EYA2: variants seen among roughly 807,000 people sequenced by gnomAD.
The protein encoded by EYA2 is EYA transcriptional coactivator and phosphatase 2.
Under a neutral mutation model 69.2 loss-of-function variants are expected in EYA2, and 31 were observed. The observed-to-expected ratio is 0.45, with a 90% CI of 0.34 to 0.60. The LOEUF is 0.60. Ranked by LOEUF, EYA2 falls within the 20% of genes least tolerant of loss-of-function variation. The pLI, the probability that EYA2 is intolerant of heterozygous loss-of-function variation, is 0.02. For missense variants in EYA2, 622 were observed against 701.2 expected (o/e 0.89, Z 1.28); for synonymous variants, 257 against 279.4 (o/e 0.92, Z 0.80).
chr20:47,057,675 G>T (rs2030699445), intron 5 of EYA2, among the ~76,000 whole-genome samples: 1 of 152,244 alleles, frequency 6.6e-6, no homozygotes, highest in South Asian at 2.1e-4. Context: ...TTGCTATGGG[G>T]AAAGAAATTG....
At chr20:46,895,605 G>C (rs540284693) in intron 1 of EYA2, among the ~76,000 whole-genome samples, 1 of 152,370 alleles carries the variant, frequency 6.6e-6, no homozygotes, top group South Asian at 2.1e-4. Context: ...TTGAAACTTA[G>C]AAAAGTTTAC....
At chr20:46,969,462 C>T (rs1980007654) in intron 1 of EYA2, among the ~76,000 whole-genome samples, 1 of 152,220 alleles carries the variant, frequency 6.6e-6, no homozygotes, top group South Asian at 2.1e-4. Flanking sequence ...ACTTAAATCC[C>T]TTTGATTAGC....
intron 7 of EYA2, among the ~76,000 whole-genome samples, chr20:47,083,636 CA>C (rs1392326861): frequency 6.7e-6 from 1 of 148,676 alleles, no homozygotes; most frequent in East Asian, 2.0e-4. Flanking sequence ...CCTCACATGA[CA>C]CACAAAAAAA....
intron 9 of EYA2, among the ~76,000 whole-genome samples, chr20:47,107,216 A>C (rs1016785099): frequency 1.3e-5 from 2 of 152,138 alleles, no homozygotes; most frequent in Non-Finnish European, 1.5e-5. Flanking sequence ...AAGGAAGATG[A>C]TAAGCAAGAC....
chr20:47,085,239 T>C (rs1157186318), intron 7 of EYA2, among the ~76,000 whole-genome samples: 1 of 152,182 alleles, frequency 6.6e-6, no homozygotes, highest in Non-Finnish European at 1.5e-5. Flanking sequence ...TGAATTAATG[T>C]TCATAGCAGC....
chr20:46,915,838 C>T (rs574152748), intron 1 of EYA2, among the ~76,000 whole-genome samples: 2 of 152,164 alleles, frequency 1.3e-5, no homozygotes, highest in Non-Finnish European at 2.9e-5. Context: ...CCACAGTCCC[C>T]GCCCCTCCCT....
chr20:47,163,698 CAAAAAAA>C (rs11471495), intron 10 of EYA2, among the ~76,000 whole-genome samples: 34 of 85,518 alleles, frequency 4.0e-4, no homozygotes, highest in African/African-American at 1.5e-3. Context: ...AACACTGTCT[CAAAAAAA>C]AAAAAAAAAA....
chr20:47,171,973 A>G (rs2034330169), intron 11 of EYA2, among the ~76,000 whole-genome samples: 1 of 151,930 alleles, frequency 6.6e-6, no homozygotes, highest in African/African-American at 2.4e-5. Context: ...GGCACCTGTA[A>G]TCCCAGCTAC....
At chr20:47,128,408 G>C (rs1453178341) in intron 9 of EYA2, among the ~76,000 whole-genome samples, 1 of 152,114 alleles carries the variant, frequency 6.6e-6, no homozygotes, top group East Asian at 1.9e-4. Context: ...AAAAGAATCA[G>C]GGCTGATTTT....
intron 12 of EYA2, 128 bp from the exon 13 acceptor site, chr20:47,179,670 T>C: frequency 1.6e-6 from 1 of 617,192 alleles, no homozygotes; most frequent in Non-Finnish European, 2.9e-6. Flanking sequence ...AGCCACTGGA[T>C]TGAAGTTTAC....
At chr20:47,176,423 G>A (rs1600772812) in intron 12 of EYA2, among the ~76,000 whole-genome samples, 1 of 152,182 alleles carries the variant, frequency 6.6e-6, no homozygotes, top group African/African-American at 2.4e-5. Context: ...CACACCTATT[G>A]AAGAAACAGA....
intron 12 of EYA2, among the ~76,000 whole-genome samples, chr20:47,176,387 C>A (rs1238885012): frequency 1.8e-5 from 2 of 112,180 alleles, no homozygotes; most frequent in Admixed American, 7.8e-5. Flanking sequence ...GCTTTAAATT[C>A]TTAATTCAGT....
chr20:46,917,939 C>T (rs1198204979), intron 1 of EYA2, among the ~76,000 whole-genome samples: 1 of 152,162 alleles, frequency 6.6e-6, no homozygotes, highest in Non-Finnish European at 1.5e-5. Context: ...TTGATGAATC[C>T]ATTCTCTTCC....
intron 1 of EYA2, among the ~76,000 whole-genome samples, chr20:46,975,499 G>A (rs891745681): frequency 6.6e-6 from 1 of 152,016 alleles, no homozygotes; most frequent in African/African-American, 2.4e-5. Context: ...GTGAAATCCA[G>A]TCTCTTAAAA....
chr20:46,914,975 G>A (rs1023766570), intron 1 of EYA2, among the ~76,000 whole-genome samples: 2 of 152,190 alleles, frequency 1.3e-5, no homozygotes, highest in Non-Finnish European at 2.9e-5. Context: ...GTGGGACATC[G>A]TGCTTGAGAG....
intron 1 of EYA2, among the ~76,000 whole-genome samples, chr20:46,896,726 A>T (rs2146205368): frequency 6.6e-6 from 1 of 152,374 alleles, no homozygotes; most frequent in East Asian, 1.9e-4. Context: ...AACTTTTGCC[A>T]TTGTGAAAAG....
chr20:47,048,629 C>T (rs1041799500), intron 5 of EYA2, among the ~76,000 whole-genome samples: 10 of 152,086 alleles, frequency 6.6e-5, no homozygotes, highest in African/African-American at 1.2e-4. Flanking sequence ...CACAGCTACT[C>T]GGGAGGCTGA....
At chr20:46,899,191 G>T (rs1406400651) in intron 1 of EYA2, among the ~76,000 whole-genome samples, 1 of 152,220 alleles carries the variant, frequency 6.6e-6, no homozygotes, top group East Asian at 1.9e-4. Context: ...TGCAAAGTAT[G>T]CCTTATCCAT....
intron 1 of EYA2, among the ~76,000 whole-genome samples, chr20:46,935,280 C>T (rs1268944903): frequency 6.6e-6 from 1 of 152,234 alleles, no homozygotes; most frequent in Non-Finnish European, 1.5e-5. Flanking sequence ...CTGTCACCAA[C>T]AGAATTAGCC....
Sources: allele counts gnomAD v4.1 joint callset (sites outside exome capture counted in the v4.1 genomes callset), GRCh38; gene constraint gnomAD v4.1.1; transcripts MANE v1.5; gene names NCBI Gene and HGNC (gene_info 2026-07-23, HGNC 2026-07-21).